RBFOX1: variants seen among roughly 807,000 people sequenced by gnomAD.
RBFOX1 encodes RNA binding protein fox-1 homolog 1.
Under a neutral mutation model 57.7 loss-of-function variants are expected in RBFOX1, and 8 were observed. That is an observed-to-expected ratio of 0.14 (90% confidence interval 0.08 to 0.25). The LOEUF (loss-of-function observed/expected upper bound fraction) is 0.25. Among genes scored for constraint, RBFOX1 ranks in the 10% least tolerant of loss-of-function variants. The probability of loss-of-function intolerance (pLI) is 1.00; values close to 1 mark genes in which losing one functional copy is unlikely to be tolerated. For synonymous variants in RBFOX1, 326 were observed against 222.4 expected (o/e 1.47, Z -4.15); for missense variants, 611 against 548.5 (o/e 1.11, Z -1.14).
intron 3 of RBFOX1, among the ~76,000 whole-genome samples, chr16:6,846,169 C>T (rs572718778): frequency 1.3e-5 from 2 of 152,152 alleles, no homozygotes; most frequent in South Asian, 2.1e-4. Context: ...TACACGGTGG[C>T]CCATCCAATA....
At chr16:5,394,149 C>T (rs917242036) in intron 1 of RBFOX1, among the ~76,000 whole-genome samples, 5 of 151,986 alleles carry the variant, frequency 3.3e-5, no homozygotes, top group Non-Finnish European at 7.4e-5. Flanking sequence ...TCAGCCTCCC[C>T]AGTAGCTGGA....
chr16:5,718,363 C>T (rs138967080), intron 3 of RBFOX1, among the ~76,000 whole-genome samples: 37 of 152,318 alleles, frequency 2.4e-4, no homozygotes, highest in African/African-American at 8.2e-4. Flanking sequence ...CAATCTCCAC[C>T]TGACCCACAG....
intron 4 of RBFOX1, among the ~76,000 whole-genome samples, chr16:7,296,930 C>T (rs1050806956): frequency 2.0e-5 from 3 of 152,124 alleles, no homozygotes; most frequent in Admixed American, 1.3e-4. Context: ...AAAATGTGAG[C>T]AGTATAGGTA....
chr16:7,364,067 G>C (rs2097385547), intron 4 of RBFOX1, among the ~76,000 whole-genome samples: 1 of 152,234 alleles, frequency 6.6e-6, no homozygotes, highest in Admixed American at 6.5e-5. Context: ...GGACTCCCAA[G>C]TCCTATTAAA....
chr16:6,379,703 T>G (rs899679741), intron 2 of RBFOX1, among the ~76,000 whole-genome samples: 1 of 150,768 alleles, frequency 6.6e-6, no homozygotes, highest in Admixed American at 6.6e-5. Flanking sequence ...AAAAAAGTCT[T>G]GATGACCCTG....
At chr16:5,552,758 G>C (rs1177881629) in intron 2 of RBFOX1, among the ~76,000 whole-genome samples, 1 of 152,110 alleles carries the variant, frequency 6.6e-6, no homozygotes, top group Non-Finnish European at 1.5e-5. Flanking sequence ...GCTTCCCTTT[G>C]CTCTGATCAC....
At chr16:7,401,118 G>A (rs2098235425) in intron 4 of RBFOX1, among the ~76,000 whole-genome samples, 1 of 152,122 alleles carries the variant, frequency 6.6e-6, no homozygotes, top group African/African-American at 2.4e-5. Context: ...AACATGTAAT[G>A]GTATTAGAAA....
chr16:7,559,437 T>C (rs534614198), intron 5 of RBFOX1, among the ~76,000 whole-genome samples: 34 of 152,230 alleles, frequency 2.2e-4, no homozygotes, highest in Middle Eastern at 3.4e-3. Context: ...AGAGAAACCA[T>C]TGGAAACATC....
At chr16:6,672,558 AAAAG>A (rs1043548445) in intron 3 of RBFOX1, among the ~76,000 whole-genome samples, 7 of 152,082 alleles carry the variant, frequency 4.6e-5, no homozygotes, top group Non-Finnish European at 8.8e-5. Context: ...AAAAGAAAAG[AAAAG>A]AAAGAGAAGA....
intron 2 of RBFOX1, among the ~76,000 whole-genome samples, chr16:6,484,967 A>C (rs1205449160): frequency 2.6e-5 from 4 of 152,218 alleles, no homozygotes; most frequent in East Asian, 1.9e-4. Context: ...TGTTTGGCTT[A>C]AAATGGGGAC....
chr16:6,471,806 T>A (rs1218530976), intron 2 of RBFOX1, among the ~76,000 whole-genome samples: 2 of 152,154 alleles, frequency 1.3e-5, no homozygotes, highest in Non-Finnish European at 2.9e-5. Flanking sequence ...CAATCCCAGC[T>A]GTGTCTGGAG....
intron 1 of RBFOX1, among the ~76,000 whole-genome samples, chr16:6,116,481 T>C (rs979784188): frequency 6.6e-6 from 1 of 152,216 alleles, no homozygotes; most frequent in Non-Finnish European, 1.5e-5. Flanking sequence ...AGGAAGATAC[T>C]ACCATGCATT....
At chr16:5,346,599 C>A (rs2151305819) in intron 1 of RBFOX1, among the ~76,000 whole-genome samples, 1 of 152,332 alleles carries the variant, frequency 6.6e-6, no homozygotes, top group South Asian at 2.1e-4. Flanking sequence ...TTGCTTTTTC[C>A]TGTATGCACG....
chr16:7,566,005 C>T (rs930080302), intron 5 of RBFOX1, among the ~76,000 whole-genome samples: 1 of 152,058 alleles, frequency 6.6e-6, no homozygotes, highest in African/African-American at 2.4e-5. Context: ...AAAGACTTGC[C>T]GAGCGCCTAC....
chr16:5,578,482 G>A (rs182991544), intron 2 of RBFOX1, among the ~76,000 whole-genome samples: 71 of 152,246 alleles, frequency 4.7e-4, no homozygotes, highest in African/African-American at 1.5e-3. Context: ...CCCCATCCAC[G>A]GTCTGACATT....
At chr16:5,880,897 A>C (rs931346110) in intron 4 of RBFOX1, among the ~76,000 whole-genome samples, 2 of 152,266 alleles carry the variant, frequency 1.3e-5, no homozygotes, top group Non-Finnish European at 2.9e-5. Context: ...TGAACAAGCA[A>C]ATCTAGTAAT....
At chr16:7,265,474 A>G (rs541638620) in intron 4 of RBFOX1, among the ~76,000 whole-genome samples, 3 of 151,454 alleles carry the variant, frequency 2.0e-5, no homozygotes, top group African/African-American at 7.3e-5. Flanking sequence ...TTTTAGATGT[A>G]GTCTTGCTCT....
intron 2 of RBFOX1, among the ~76,000 whole-genome samples, chr16:5,544,732 A>G (rs996073490): frequency 1.3e-5 from 2 of 152,178 alleles, no homozygotes; most frequent in Admixed American, 1.3e-4. Context: ...GCATAACTAT[A>G]TCTTAAAGAT....
intron 3 of RBFOX1, among the ~76,000 whole-genome samples, chr16:6,887,399 G>A (rs568367555): frequency 6.6e-6 from 1 of 152,108 alleles, no homozygotes; most frequent in East Asian, 1.9e-4. Context: ...ATTTCAAGAA[G>A]CCGAAAGGAT....
Sources: gnomAD v4.1 joint callset for allele counts (sites outside exome capture counted in the v4.1 genomes callset) on GRCh38, gnomAD v4.1.1 for gene constraint, MANE v1.5 for transcripts, NCBI Gene and HGNC (gene_info 2026-07-23, HGNC 2026-07-21) for gene names.